SLIT3: variants seen among roughly 807,000 people sequenced by gnomAD.
SLIT3 encodes slit homolog 3 protein.
SLIT3 carries 68 observed loss-of-function variants against 184.0 expected under a neutral mutation model. The observed-to-expected ratio is 0.37, with a 90% CI of 0.30 to 0.45. The LOEUF (loss-of-function observed/expected upper bound fraction) is 0.45, where lower values mean the gene tolerates loss of function less well. SLIT3 is among the 20% of genes least tolerant of loss of function. SLIT3 has a pLI of 1.00. For missense variants in SLIT3, 1,707 were observed against 2,026.0 expected (o/e 0.84, Z 3.02); for synonymous variants, 831 against 828.6 (o/e 1.00, Z -0.05).
chr5:168,835,528 A>G (rs6420076), intron 6 of SLIT3, among the ~76,000 whole-genome samples: 78,057 of 150,926 alleles, frequency 0.52, 21,616 homozygotes, highest in African/African-American at 0.72. Flanking sequence ...TGTTTTTTGT[A>G]CTGGGTGCGG....
chr5:169,168,566 C>T (rs1762716806), intron 4 of SLIT3, among the ~76,000 whole-genome samples: 2 of 152,196 alleles, frequency 1.3e-5, no homozygotes, highest in Non-Finnish European at 2.9e-5. Flanking sequence ...TACAACGGCT[C>T]TATGATTTAG....
At chr5:168,941,115 G>A (rs1762318163) in intron 4 of SLIT3, among the ~76,000 whole-genome samples, 1 of 152,086 alleles carries the variant, frequency 6.6e-6, no homozygotes, top group Non-Finnish European at 1.5e-5. Flanking sequence ...TTTATTTTGA[G>A]GTCTCTTAAA....
intron 23 of SLIT3, 66 bp from the exon 24 acceptor site, chr5:168,712,420 C>G: frequency 1.4e-6 from 2 of 1,389,244 alleles, no homozygotes; most frequent in Non-Finnish European, 2.0e-6. Context: ...ATTCTCAGGG[C>G]CTCCAGTGCC....
At chr5:168,881,545 C>T (rs905803) in intron 5 of SLIT3, among the ~76,000 whole-genome samples, 70,017 of 151,964 alleles carry the variant, frequency 0.46, 16,472 homozygotes, top group Admixed American at 0.54. Flanking sequence ...GGTTCAACCA[C>T]CAGAAAGCTG....
chr5:168,671,523 C>G (rs1761244184), intron 33 of SLIT3, 40 bp from the exon 34 acceptor site: 1 of 1,573,462 alleles, frequency 6.4e-7, no homozygotes, highest in Admixed American at 1.8e-5. Context: ...GAAGACCCTC[C>G]CCTGCCACCC....
At chr5:169,051,670 CAA>C (rs1157495513) in intron 4 of SLIT3, among the ~76,000 whole-genome samples, 1 of 152,176 alleles carries the variant, frequency 6.6e-6, no homozygotes, top group South Asian at 2.1e-4. Flanking sequence ...TTTGTATGGG[CAA>C]AGAGTTATGC....
intron 4 of SLIT3, among the ~76,000 whole-genome samples, chr5:169,039,828 A>G (rs188108490): frequency 1.4e-4 from 21 of 152,320 alleles, no homozygotes; most frequent in Admixed American, 7.8e-4. Flanking sequence ...GAATTCAAAC[A>G]GGGATTGTTC....
chr5:168,697,607 T>G (rs1164287921), intron 27 of SLIT3, among the ~76,000 whole-genome samples: 1 of 152,192 alleles, frequency 6.6e-6, no homozygotes, highest in Non-Finnish European at 1.5e-5. Flanking sequence ...GCTAAAAAAG[T>G]AAACTACACT....
chr5:169,237,191 A>C (rs1765231345), intron 3 of SLIT3, among the ~76,000 whole-genome samples: 1 of 152,182 alleles, frequency 6.6e-6, no homozygotes, highest in African/African-American at 2.4e-5. Context: ...TGATGCATAC[A>C]TTCATCACAG....
At chr5:168,897,196 T>C (rs930079036) in intron 4 of SLIT3, among the ~76,000 whole-genome samples, 1 of 152,118 alleles carries the variant, frequency 6.6e-6, no homozygotes, top group Non-Finnish European at 1.5e-5. Flanking sequence ...AGACAGTCCC[T>C]GGGAGCGGAC....
chr5:168,681,775 G>A (rs372402357), intron 32 of SLIT3, among the ~76,000 whole-genome samples: 4 of 152,208 alleles, frequency 2.6e-5, no homozygotes, highest in African/African-American at 9.6e-5. Context: ...GCTCTGTTTG[G>A]GAAGGCCCCC....
intron 6 of SLIT3, among the ~76,000 whole-genome samples, chr5:168,831,370 G>T (rs1437817396): frequency 6.6e-6 from 1 of 152,104 alleles, no homozygotes; most frequent in African/African-American, 2.4e-5. Context: ...CGCATTACCT[G>T]CTTTCCTGGA....
intron 4 of SLIT3, among the ~76,000 whole-genome samples, chr5:169,157,264 G>A (rs1762342124): frequency 6.6e-6 from 1 of 152,176 alleles, no homozygotes; most frequent in Non-Finnish European, 1.5e-5. Context: ...TGACATAATT[G>A]TGGGAGTGAT....
chr5:169,004,942 C>A (rs1755858353), intron 4 of SLIT3, among the ~76,000 whole-genome samples: 1 of 152,152 alleles, frequency 6.6e-6, no homozygotes, highest in Non-Finnish European at 1.5e-5. Flanking sequence ...GCTGTCTAGG[C>A]CACCCAGTTT....
At chr5:169,117,697 G>A (rs775277014) in intron 4 of SLIT3, among the ~76,000 whole-genome samples, 17 of 152,188 alleles carry the variant, frequency 1.1e-4, no homozygotes, top group African/African-American at 2.7e-4. Context: ...CAGGGTTCCC[G>A]TTCTTTGGAG....
intron 4 of SLIT3, among the ~76,000 whole-genome samples, chr5:169,040,837 C>T (rs766111253): frequency 6.6e-6 from 1 of 152,248 alleles, no homozygotes; most frequent in South Asian, 2.1e-4. Context: ...GGCATCGGCC[C>T]ATTGCCGATT....
intron 14 of SLIT3, chr5:168,768,091 G>A (rs1755405914): frequency 2.4e-6 from 1 of 422,230 alleles, no homozygotes; most frequent in Non-Finnish European, 4.9e-6. Flanking sequence ...GGGCTGCGGT[G>A]CTCCAGAGCA....
intron 1 of SLIT3, among the ~76,000 whole-genome samples, chr5:169,274,664 C>T (rs1437896683): frequency 6.6e-6 from 1 of 152,224 alleles, no homozygotes; most frequent in Non-Finnish European, 1.5e-5. Flanking sequence ...ACAGGGAGAT[C>T]TTCATGATAG....
At chr5:168,827,717 A>G (rs1190659133) in intron 6 of SLIT3, among the ~76,000 whole-genome samples, 1 of 152,166 alleles carries the variant, frequency 6.6e-6, no homozygotes, top group Non-Finnish European at 1.5e-5. Flanking sequence ...TATTAGCTCA[A>G]TGCCAGGGTA....
Sources: allele counts gnomAD v4.1 joint callset (sites outside exome capture counted in the v4.1 genomes callset), GRCh38; gene constraint gnomAD v4.1.1; transcripts MANE v1.5; gene names NCBI Gene and HGNC (gene_info 2026-07-23, HGNC 2026-07-21).